Variants in BCL11A observed in about 807,000 individuals in gnomAD.
BCL11A encodes the protein BCL11 transcription factor A, also known as B cell CLL/lymphoma 11A.
BCL11A carries 2 observed loss-of-function variants against 55.9 expected under a neutral mutation model. The observed-to-expected ratio is 0.04, with a 90% CI of 0.01 to 0.11. The LOEUF (loss-of-function observed/expected upper bound fraction) is 0.11, where lower values mean the gene tolerates loss of function less well. BCL11A is among the 10% of genes least tolerant of loss of function. The probability of loss-of-function intolerance (pLI) is 1.00; values close to 1 mark genes in which losing one functional copy is unlikely to be tolerated. For missense variants in BCL11A, 817 were observed against 1,137.1 expected (o/e 0.72, Z 4.05); for synonymous variants, 465 against 473.4 (o/e 0.98, Z 0.23).
intron 2 of BCL11A, among the ~76,000 whole-genome samples, chr2:60,539,334 C>T (rs1412090696): frequency 6.6e-6 from 1 of 152,182 alleles, no homozygotes; most frequent in Non-Finnish European, 1.5e-5. Flanking sequence ...TCACCTATTC[C>T]CTGCTGGGAT....
chr2:60,553,358 A>G lies in BCL11A; in HGVS notation c.-88T>C. 1 of 1,357,172 alleles carries G rather than the reference A, an allele frequency of 7.4e-7. No homozygotes were observed. The highest frequency in any genetic ancestry group is 1.0e-6 in the Non-Finnish European group (1 of 991,910). The allele number at this position is 1,357,172 out of a possible 1,614,324, so 84.1% of individuals were successfully genotyped here. On this transcript the variant is annotated 5_prime_UTR_variant, in exon 1 of 4. Coordinates refer to ENST00000642384, the MANE Select transcript of BCL11A (RefSeq NM_022893.4). ...TCACATCGGGAGAGCCGGGTTAGAA[A>G]GAAGGAGACTCCAGAGAAAATATCT...
At chr2:60,540,203 A>C (rs536276379) in intron 2 of BCL11A, among the ~76,000 whole-genome samples, 17 of 152,310 alleles carry the variant, frequency 1.1e-4, no homozygotes, top group African/African-American at 4.1e-4. Flanking sequence ...CTGAACAAGC[A>C]GAAAGGTACT....
intron 2 of BCL11A, among the ~76,000 whole-genome samples, chr2:60,540,992 G>GT (rs1371737091): frequency 1.1e-4 from 15 of 135,946 alleles, no homozygotes; most frequent in Admixed American, 2.9e-4. Context: ...GTGTGTGTGT[G>GT]GTTATTTTGT....
chr2:60,518,785 G>T (rs1186306044), intron 2 of BCL11A, among the ~76,000 whole-genome samples: 4 of 152,172 alleles, frequency 2.6e-5, no homozygotes, highest in Non-Finnish European at 5.9e-5. Flanking sequence ...GGATTTTAAG[G>T]ACTCATCAAT....
At chr2:60,513,220 C>T (rs934416685) in intron 2 of BCL11A, among the ~76,000 whole-genome samples, 1 of 152,162 alleles carries the variant, frequency 6.6e-6, no homozygotes, top group Non-Finnish European at 1.5e-5. Context: ...ATGACTCTCA[C>T]TAGGTTTCAG....
exon 5 of BCL11A, chr2:60,451,756 T>C (rs1345364350): frequency 4.3e-6 from 1 of 230,320 alleles, no homozygotes; most frequent in Non-Finnish European, 8.6e-6. Context: ...TAAGCTAAAT[T>C]AAAAGACAAA....
chr2:60,470,135 C>T (rs1480650167), intron 2 of BCL11A, among the ~76,000 whole-genome samples: 1 of 152,062 alleles, frequency 6.6e-6, no homozygotes, highest in Non-Finnish European at 1.5e-5. Context: ...TGAGAAGGCT[C>T]TTACACAGAC....
At chr2:60,492,672 A>G (rs896594896) in intron 2 of BCL11A, among the ~76,000 whole-genome samples, 2 of 152,014 alleles carry the variant, frequency 1.3e-5, no homozygotes, top group Middle Eastern at 3.4e-3. Context: ...AAAATCTCAG[A>G]ATACAAAGGG....
At chr2:60,537,838 T>G (rs559012528) in intron 2 of BCL11A, 1 of 152,392 alleles carries the variant, frequency 6.6e-6, no homozygotes, top group Admixed American at 6.5e-5. Context: ...GGTTTTCTTT[T>G]TGAAGGCACC....
intron 2 of BCL11A, among the ~76,000 whole-genome samples, chr2:60,513,549 T>A (rs535550102): frequency 6.6e-6 from 1 of 152,220 alleles, no homozygotes; most frequent in Non-Finnish European, 1.5e-5. Context: ...CAAATCTTCA[T>A]GTCCTGTCTG....
chr2:60,467,375 A>G (rs372195754), intron 3 of BCL11A, among the ~76,000 whole-genome samples: 10 of 29,118 alleles, frequency 3.4e-4, no homozygotes, highest in Admixed American at 1.8e-3. Context: ...GGTGGTGATG[A>G]TGGTGATGGT....
In BCL11A at chr2:60,461,862, G is replaced by T. The variant is rs1311630820; in HGVS notation, c.1050C>A (p.Ser350Arg). 1 of 1,613,930 alleles carries T rather than the reference G, an allele frequency of 6.2e-7. No individual in the cohort carries two copies. The highest frequency in any genetic ancestry group is 8.5e-7 in the Non-Finnish European group (1 of 1,179,844). ...GGGGCGTCGCCAGGAAGGGCGGCTT[G>T]CTACCTGGCTGGAATGGTTGCAGTA... ...QRLLQPFQPGSKPPFLATPPL... is the reference protein window; with the variant it reads ...QRLLQPFQPGRKPPFLATPPL... Residue 350 changes from serine to arginine, a missense_variant, in exon 4 of 4, where the codon AGC becomes AGA. Ser to Arg is a moderately radical substitution (Grantham distance 110). Around this residue, in one of 4 missense-constraint regions of BCL11A, gnomAD observed 363 missense variants for 486.6 expected, o/e 0.75. Coordinates refer to ENST00000642384, the MANE Select transcript of BCL11A (RefSeq NM_022893.4).
At position 60,460,168 on chromosome 2, in the gene BCL11A, GAAA is replaced by G. The variant is rs35238724; in HGVS notation, c.*233_*235del. 549 of 1,085,126 alleles carry G rather than the reference GAAA, an allele frequency of 5.1e-4. No individual in the cohort carries two copies. The highest frequency in any genetic ancestry group is 1.1e-3 in the South Asian group (34 of 31,384). The allele number at this position is 1,085,126 out of a possible 1,614,324, so 67.2% of individuals were successfully genotyped here. On this transcript the variant is annotated 3_prime_UTR_variant, in exon 4 of 4. Coordinates refer to ENST00000642384, the MANE Select transcript of BCL11A (RefSeq NM_022893.4). ...GCATTCAAACGGTGAGAACATAAAG[GAAA>G]AAAAAAAAAAAGGAAAAAGAAAAAA...
At chr2:60,499,489 G>A (rs1679157159) in intron 2 of BCL11A, among the ~76,000 whole-genome samples, 1 of 152,288 alleles carries the variant, frequency 6.6e-6, no homozygotes, top group Admixed American at 6.5e-5. Context: ...TAGGCTGATT[G>A]ACTTGTCCGG....
At chr2:60,518,027 T>G (rs750409155) in intron 2 of BCL11A, among the ~76,000 whole-genome samples, 1 of 151,468 alleles carries the variant, frequency 6.6e-6, no homozygotes, top group South Asian at 2.1e-4. Context: ...GGCATTTGCT[T>G]ATGCCTATAA....
At chr2:60,531,508 T>C (rs530213781) in intron 2 of BCL11A, among the ~76,000 whole-genome samples, 4 of 152,256 alleles carry the variant, frequency 2.6e-5, no homozygotes, top group Admixed American at 2.6e-4. Flanking sequence ...AAAATATTAA[T>C]AAAATACATA....
intron 2 of BCL11A, among the ~76,000 whole-genome samples, chr2:60,541,541 G>A (rs1158731434): frequency 6.6e-6 from 1 of 152,182 alleles, no homozygotes; most frequent in Non-Finnish European, 1.5e-5. Context: ...CAAGCTGCCA[G>A]TTCACAACCT....
At chr2:60,529,814 A>G (rs1011483125) in intron 2 of BCL11A, among the ~76,000 whole-genome samples, 1 of 152,108 alleles carries the variant, frequency 6.6e-6, no homozygotes, top group Non-Finnish European at 1.5e-5. Context: ...AATATTTTTT[A>G]TTGTGTGAAT....
chr2:60,451,564 C>T (rs1292459344), exon 5 of BCL11A: 1 of 231,594 alleles, frequency 4.3e-6, no homozygotes, highest in Non-Finnish European at 8.5e-6. Context: ...CTATAATTTC[C>T]CCCCTCTAAA....
Sources: allele counts gnomAD v4.1 joint callset (sites outside exome capture counted in the v4.1 genomes callset), GRCh38; gene constraint gnomAD v4.1.1; regional missense constraint gnomAD v4.1.1; transcripts MANE v1.5; gene names NCBI Gene and HGNC (gene_info 2026-07-23, HGNC 2026-07-21).